Variants in PHF19 observed in about 807,000 individuals in gnomAD.
The protein encoded by PHF19 is PHD finger protein 19, also known as polycomb like 3.
PHF19 carries 21 observed loss-of-function variants against 79.8 expected under a neutral mutation model. The ratio of observed to expected loss-of-function variants is 0.26; its 90% confidence interval spans 0.19 to 0.38. The LOEUF is 0.38. PHF19 is among the 10% of genes least tolerant of loss of function. The pLI is 1.00. For missense variants in PHF19, 445 were observed against 744.2 expected (o/e 0.60, Z 4.68); for synonymous variants, 273 against 296.3 (o/e 0.92, Z 0.81).
intron 1 of PHF19, among the ~76,000 whole-genome samples, chr9:120,890,546 C>T (rs2046328736): frequency 6.6e-6 from 1 of 152,140 alleles, no homozygotes; most frequent in Non-Finnish European, 1.5e-5. Context: ...CTAATTCCTT[C>T]CTGGTTCCGA....
upstream of PHF19, among the ~76,000 whole-genome samples, chr9:120,877,945 AAC>A (rs922456578): frequency 7.9e-5 from 12 of 152,362 alleles, no homozygotes; most frequent in Admixed American, 4.6e-4. Flanking sequence ...AGACGGACAT[AAC>A]ACATAAAGTC....
Position 120,858,062 on chromosome 9 carries a change from T to C in PHF19, c.1625A>G (p.Tyr542Cys). Residue 542 changes from tyrosine (Y) to cysteine (C), a missense_variant, in exon 15 of 15, where the codon TAC (tyrosine) becomes TGC (cysteine). By Grantham distance (194) the Tyr-to-Cys change is radical. Coordinates refer to ENST00000373896, the MANE Select transcript of PHF19 (RefSeq NM_015651.3). ...LSHLKSSITN[Y>C]FGAAGRLACG... is the part of the protein sequence containing the mutation. ...GGCCAACCGCCCAGCTGCACCAAAG[T>C]AGTTGGTGATAGATGACTTGAGGTG... The C allele has an allele frequency of 1.2e-6, 2 of 1,613,262 alleles. No individual in the cohort carries two copies.
rs916908581 is a variant in PHF19 at position 120,856,856 on chromosome 9, T to C, written c.*1088A>G. The C allele has an allele frequency of 6.6e-6, 1 of 152,660 alleles. No homozygotes were observed. The highest frequency in any genetic ancestry group is 1.5e-5 in the Non-Finnish European group (1 of 68,132). The allele number at this position is 152,660 out of a possible 1,614,324, so 9.5% of individuals were successfully genotyped here. ...GGAGCGGCCACTGAGCTTTCACATT[T>C]AGTTGCAGCACCTGGGCCCTGGAAG... is the stretch of plus-strand genomic sequence containing the variant. On this transcript the variant is annotated 3_prime_UTR_variant, in exon 15 of 15. Transcript: ENST00000373896.
At position 120,856,550 on chromosome 9, in the gene PHF19, A is replaced by G. The variant is rs1033155659; in HGVS notation, c.*1394T>C. ...TTCCAATCAAGTGAGTCAGTTTCTA[A>G]TATCTCTGGAAGCAGCAAAACATCA... On this transcript the variant is annotated 3_prime_UTR_variant, in exon 15 of 15. Coordinates refer to ENST00000373896, the MANE Select transcript of PHF19 (RefSeq NM_015651.3). The G allele has an allele frequency of 2.0e-5, 3 of 152,196 alleles. No individual in the cohort carries two copies. The highest frequency in any genetic ancestry group is 2.1e-4 in the South Asian group (1 of 4,826). 9.4% of individuals were successfully genotyped at this position (152,196 alleles called of 1,614,324 possible).
Position 120,874,020 on chromosome 9 carries a change from T to C in PHF19, c.227A>G (p.Asp76Gly). 6.2e-7 allele frequency: 1 copy of C among 1,609,354 alleles called. No individual in the cohort carries two copies. The highest frequency in any genetic ancestry group is 8.5e-7 in the Non-Finnish European group (1 of 1,176,246). ...CCATAGGACCCAGTATTTGGAATTATCTTCGAAAGTCACGAGGCAGCTTTG... is the reference window on the plus strand; with the variant it reads ...CCATAGGACCCAGTATTTGGAATTACCTTCGAAAGTCACGAGGCAGCTTTG... Reference protein sequence around the residue: ...SKQSCLVTFEDNSKYWVLWKD... With the variant: ...SKQSCLVTFEGNSKYWVLWKD... Residue 76 changes from aspartate (D) to glycine (G), a missense_variant, in exon 3 of 15, where the codon GAT (aspartate) becomes GGT (glycine). Asp to Gly is a moderately conservative substitution (Grantham distance 94). This residue lies in a region of PHF19 where 167 missense variants were observed against 375.8 expected (regional missense o/e 0.44). Coordinates refer to ENST00000373896, the MANE Select transcript of PHF19 (RefSeq NM_015651.3). This position sits in a 1 kb window ranked among gnomAD's most constrained non-coding sequence, Gnocchi z 4.5.
At chr9:120,871,537 A>C (rs1251524850) in intron 3 of PHF19, among the ~76,000 whole-genome samples, 1 of 152,236 alleles carries the variant, frequency 6.6e-6, no homozygotes, top group East Asian at 1.9e-4. Flanking sequence ...GTCCCCAAGT[A>C]AAGTCCATAC....
Position 120,891,769 on chromosome 9 carries a change from T to C in PHF19, c.42+3019A>G, listed in dbSNP as rs2046346417. Among the ~76,000 whole-genome samples, 3 of 152,186 alleles carry C rather than the reference T, an allele frequency of 2.0e-5. No homozygotes were observed. Among genetic ancestry groups the C allele is most frequent in the Admixed American group, 6.5e-5 (1 of 15,274 alleles). On this transcript the variant is annotated intron_variant, in intron 1 of 14. Transcript: ENST00000616568. This position sits in a 1 kb window ranked among gnomAD's most constrained non-coding sequence, Gnocchi z 4.3. ...GCCCCACCCAGTCTTCCGTGCTTGT[T>C]AGGAGAGACGGAAGCATCACAGTCA...
At position 120,862,677 on chromosome 9, in the gene PHF19, C is replaced by T. The variant is rs548342099; in HGVS notation, c.1041G>A (p.Pro347=). 1.3e-5 allele frequency: 21 copies of T among 1,614,170 alleles called. No homozygotes were observed. Among genetic ancestry groups the T allele is most frequent in the South Asian group, 7.7e-5 (7 of 91,082 alleles). The change falls in exon 11 of 15, where the codon CCG becomes CCA. Residue 347 remains proline, a synonymous_variant. Coordinates refer to ENST00000373896, the MANE Select transcript of PHF19 (RefSeq NM_015651.3). This position sits in a 1 kb window ranked among gnomAD's most constrained non-coding sequence, Gnocchi z 4.6. ...CTTTGTCAGGCAGCAGCTTCCCTGG[C>T]GGGTTGGGTGGGACGCGGATGCGCA... The part of the protein sequence containing the change: ...FRLRIRVPPN[P]PGKLLPDKGL...
At chr9:120,902,152 A>C in the PHF19 span, among the ~76,000 whole-genome samples, 4 of 152,180 alleles carry the variant, frequency 2.6e-5, no homozygotes, top group Non-Finnish European at 5.9e-5. Context: ...CCCGTTGCCA[A>C]CTGAAGCATC....
Position 120,869,979 on chromosome 9 carries a change from A to G in PHF19, c.365-34T>C, listed in dbSNP as rs1400057798. 1 of 1,547,680 alleles carries G rather than the reference A, an allele frequency of 6.5e-7. No homozygotes were observed. The highest frequency in any genetic ancestry group is 2.0e-5 in the Admixed American group (1 of 51,052). The stretch of plus-strand genomic sequence containing the variant: ...GAGGAGGGGGCGGTGAGCGCCCACA[A>G]GGACATCGTGGCCCAAGGCCAGTTG... On this transcript the variant is annotated intron_variant, in intron 4 of 14. Transcript: ENST00000373896. The surrounding 1 kb of genome is among the most constrained non-coding windows in gnomAD (Gnocchi z 5.8).
Position 120,865,793 on chromosome 9 carries a change from C to T in PHF19, c.817G>A (p.Val273Ile). The change falls in exon 9 of 15, where the codon GTA becomes ATA. Residue 273 changes from valine (V) to isoleucine (I), a missense_variant. Val to Ile is a conservative substitution (Grantham distance 29). Transcript: ENST00000373896. ...VVHLALYNLGVQSKKKYFDFE... is the reference protein window; with the variant it reads ...VVHLALYNLGIQSKKKYFDFE... ...TCAAAGTACTTCTTCTTGCTCTGTA[C>T]CCCCAGATTATAGAGGGCCAGGTGA... 6.2e-7 allele frequency: 1 copy of T among 1,614,074 alleles called. No individual in the cohort carries two copies. The highest frequency in any genetic ancestry group is 1.1e-5 in the South Asian group (1 of 91,086).
rs942676054 is a variant in PHF19, at chr9:120,874,431, T to C, written c.186+125A>G. On this transcript the variant is annotated intron_variant, in intron 2 of 14. Coordinates refer to ENST00000373896, the MANE Select transcript of PHF19 (RefSeq NM_015651.3). This position sits in a 1 kb window ranked among gnomAD's most constrained non-coding sequence, Gnocchi z 4.5. ...GCTCTGGCCCCTCCCACCACCAGCTTTGGGCATGAGGGACAAGAAGGGAAT... is the reference window on the plus strand; with the variant it reads ...GCTCTGGCCCCTCCCACCACCAGCTCTGGGCATGAGGGACAAGAAGGGAAT... 4.5e-6 allele frequency: 3 copies of C among 663,846 alleles called. No individual in the cohort carries two copies. The highest frequency in any genetic ancestry group is 2.8e-5 in the Admixed American group (1 of 36,358). The allele number at this position is 663,846 out of a possible 1,614,324, so 41.1% of individuals were successfully genotyped here.
chr9:120,872,112 G>A (rs1297000883), intron 3 of PHF19, among the ~76,000 whole-genome samples: 1 of 148,426 alleles, frequency 6.7e-6, no homozygotes, highest in Non-Finnish European at 1.5e-5. Context: ...ACCTCATAGA[G>A]TGTGGCATGT....
At chr9:120,899,887 C>T (rs2131609264), upstream of PHF19, among the ~76,000 whole-genome samples, 1 of 152,312 alleles carries the variant, frequency 6.6e-6, no homozygotes, top group East Asian at 1.9e-4. Flanking sequence ...CCTTCCATGC[C>T]TCAGTTTCTC....
intron 14 of PHF19, 128 bp from the exon 15 acceptor site, chr9:120,858,414 T>C (rs374454969): frequency 4.7e-6 from 3 of 635,538 alleles, no homozygotes; most frequent in Non-Finnish European, 7.6e-6. Flanking sequence ...CATTCTCTTA[T>C]CCATCTTCTC....
chr9:120,873,817 T>C (rs920330488), intron 3 of PHF19, among the ~76,000 whole-genome samples, 162 bp downstream of exon 3: 1 of 152,182 alleles, frequency 6.6e-6, no homozygotes, highest in Admixed American at 6.5e-5. Context: ...CCTAAGTCAA[T>C]ATACAACCAG....
At position 120,869,503 on chromosome 9, in the gene PHF19, A is replaced by C; in HGVS notation, c.466-173T>G. On this transcript the variant is annotated intron_variant, in intron 5 of 14. Coordinates refer to ENST00000373896, the MANE Select transcript of PHF19 (RefSeq NM_015651.3). The surrounding 1 kb of genome is among the most constrained non-coding windows in gnomAD (Gnocchi z 5.8). The stretch of plus-strand genomic sequence containing the variant: ...CATTAATTCCAAACCCATCCCCTCT[A>C]TCCCAGAAGGAACTCCGTTGATAAC... The C allele has an allele frequency of 7.4e-7, 1 of 1,356,836 alleles. No individual in the cohort carries two copies. The highest frequency in any genetic ancestry group is 1.5e-5 in the African/African-American group (1 of 68,588). The allele number at this position is 1,356,836 out of a possible 1,614,324, so 84.0% of individuals were successfully genotyped here. A position where few individuals can be genotyped will look rare whatever the true frequency, so the allele number is the denominator to read the frequency against.
upstream of PHF19, among the ~76,000 whole-genome samples, chr9:120,878,837 G>A (rs1240962169): frequency 6.6e-6 from 1 of 152,206 alleles, no homozygotes; most frequent in African/African-American, 2.4e-5. Flanking sequence ...TCCCAAAGGG[G>A]CCCTAGGATT....
chr9:120,897,978 CAAAAAAAA>C (rs577932181), upstream of PHF19, among the ~76,000 whole-genome samples: 1 of 99,684 alleles, frequency 1.0e-5, no homozygotes, highest in African/African-American at 4.1e-5. Context: ...GACCCCGTCT[CAAAAAAAA>C]AAAAAAAAAA....
Sources: gnomAD v4.1 joint callset for allele counts (sites outside exome capture counted in the v4.1 genomes callset) on GRCh38, gnomAD v4.1.1 for gene constraint, gnomAD v4.1.1 regional missense constraint, Gnocchi (gnomAD v3.1) non-coding constraint, MANE v1.5 for transcripts, NCBI Gene and HGNC (gene_info 2026-07-23, HGNC 2026-07-21) for gene names.